Variants in RAI1 observed in about 807,000 individuals in gnomAD.
The protein encoded by RAI1 is retinoic acid induced 1.
In RAI1, 9 loss-of-function variants were observed where a neutral mutation model predicts 123.8. The ratio of observed to expected loss-of-function variants is 0.07; its 90% CI spans 0.04 to 0.13. The LOEUF is 0.13. Ranked by LOEUF, RAI1 falls within the 10% of genes least tolerant of loss-of-function variation. The probability of loss-of-function intolerance (pLI) is 1.00; values close to 1 mark genes in which losing one functional copy is unlikely to be tolerated. For synonymous variants in RAI1, 1,231 were observed against 1,127.3 expected (o/e 1.09, Z -1.84); for missense variants, 2,256 against 2,545.8 (o/e 0.89, Z 2.45).
intron 2 of RAI1, among the ~76,000 whole-genome samples, chr17:17,748,713 C>T (rs149285066): frequency 4.5e-4 from 68 of 152,198 alleles, no homozygotes; most frequent in African/African-American, 1.5e-3. Flanking sequence ...TGTACGCACG[C>T]GTATGTCGGT....
Position 17,776,399 on chromosome 17 carries a change from C to T in RAI1, c.-16-16534C>T, listed in dbSNP as rs527288100. Among the ~76,000 whole-genome samples, 3 of 152,114 alleles carry T rather than the reference C, an allele frequency of 2.0e-5. No individual in the cohort carries two copies. The South Asian group carries it at 6.2e-4, about 32-fold the overall frequency. On this transcript the variant is annotated intron_variant, in intron 2 of 5. Transcript: ENST00000353383. ...CACACTTTTTTTTTTGAGACAAAGT[C>T]TCACTCTGTTGCCCAGGCTGGAGTC...
At chr17:17,684,842 C>T (rs990166156) in intron 1 of RAI1, 4 of 151,912 alleles carry the variant, frequency 2.6e-5, no homozygotes, top group East Asian at 1.9e-4. Flanking sequence ...GGTTGTGTGG[C>T]GAAGTCCTTC....
At position 17,810,651 on chromosome 17, in the gene RAI1, G is replaced by T; in HGVS notation, c.*670G>T. The T allele has an allele frequency of 2.8e-6, 1 of 351,362 alleles. No individual in the cohort carries two copies. Among genetic ancestry groups the T allele is most frequent in the South Asian group, 2.0e-5 (1 of 49,270 alleles). The allele number at this position is 351,362 out of a possible 1,614,324, so 21.8% of individuals were successfully genotyped here. A position where few individuals can be genotyped will look rare whatever the true frequency, so the allele number is the denominator to read the frequency against. On this transcript the variant is annotated 3_prime_UTR_variant, in exon 6 of 6. Coordinates refer to ENST00000353383, the MANE Select transcript of RAI1 (RefSeq NM_030665.4). The surrounding 1 kb of genome is among the most constrained non-coding windows in gnomAD (Gnocchi z 4.6). The stretch of plus-strand genomic sequence containing the variant: ...TCGGGCAAAGCCGGGGTAGACCTGG[G>T]CTATGCTCAGTTAGGGGTTGCGGGA...
In RAI1 at chr17:17,801,490, A is replaced by G. The variant is rs1370741096; in HGVS notation, c.5566-2266A>G. On this transcript the variant is annotated intron_variant, in intron 3 of 5. Transcript: ENST00000353383. The surrounding 1 kb of genome is among the most constrained non-coding windows in gnomAD (Gnocchi z 4.1). ...TAAGTGGAGAGAAGCCTTCAGCCAG[A>G]GGACCCCCATATGCTTAAACATCCA... 6.6e-6 allele frequency among the ~76,000 whole-genome samples: 1 copy of G among 152,172 alleles called. No homozygotes were observed. Among genetic ancestry groups the G allele is most frequent in the Non-Finnish European group, 1.5e-5 (1 of 68,032 alleles).
chr17:17,794,985 C>T lies in RAI1; in HGVS notation c.2037C>T (p.Ala679=). The change falls in exon 3 of 6, where the codon GCC becomes GCT. Residue 679 remains alanine, a synonymous_variant. Transcript: ENST00000353383. The stretch of plus-strand genomic sequence containing the variant: ...TGCAGCTGGACAAGGGCGGCAATGC[C>T]AAGGACTTCAGCCCAGGGCTGTTTG... ...DSLQLDKGGN[A]KDFSPGLFED... 6.2e-7 allele frequency: 1 copy of T among 1,614,024 alleles called. No homozygotes were observed. The highest frequency in any genetic ancestry group is 8.5e-7 in the Non-Finnish European group (1 of 1,180,044).
chr17:17,692,228 G>A (rs1914864027), intron 1 of RAI1, among the ~76,000 whole-genome samples: 1 of 152,190 alleles, frequency 6.6e-6, no homozygotes, highest in South Asian at 2.1e-4. Context: ...ACAGCCCTTG[G>A]CCTCTGCCTG....
At chr17:17,745,993 G>A (rs1299875032) in intron 2 of RAI1, among the ~76,000 whole-genome samples, 10 of 152,234 alleles carry the variant, frequency 6.6e-5, no homozygotes, top group Admixed American at 6.5e-4. Flanking sequence ...GTTCCCACAT[G>A]AGCGTTGTGG....
chr17:17,750,975 G>A (rs949576437), intron 2 of RAI1, among the ~76,000 whole-genome samples: 2 of 152,232 alleles, frequency 1.3e-5, no homozygotes, highest in Admixed American at 1.3e-4. Flanking sequence ...TATTTGGAGG[G>A]CATCTGTTTC....
intron 1 of RAI1, among the ~76,000 whole-genome samples, chr17:17,722,229 A>G (rs1185898575): frequency 6.6e-6 from 1 of 152,146 alleles, no homozygotes; most frequent in Non-Finnish European, 1.5e-5. Context: ...GGACACGTGG[A>G]TGGATAGAAA....
chr17:17,692,733 T>G (rs184520317), intron 1 of RAI1, among the ~76,000 whole-genome samples: 211 of 152,332 alleles, frequency 1.4e-3, no homozygotes, highest in African/African-American at 4.9e-3. Flanking sequence ...CATGGTTTTC[T>G]CCCTCAGAAC....
intron 2 of RAI1, 114 bp downstream of exon 2, chr17:17,724,273 C>G (rs1915996366): frequency 6.6e-6 from 1 of 151,278 alleles, no homozygotes; most frequent in Non-Finnish European, 1.5e-5. Flanking sequence ...GGGCTGCAGG[C>G]TGGGGTCGCC....
At chr17:17,682,815 G>A (rs1914485565) in intron 1 of RAI1, among the ~76,000 whole-genome samples, 1 of 152,050 alleles carries the variant, frequency 6.6e-6, no homozygotes, top group Non-Finnish European at 1.5e-5. Flanking sequence ...AGTGCGGGCT[G>A]CCGCGGTGCT....
Position 17,798,085 on chromosome 17 carries a change from C to T in RAI1, c.5137C>T (p.Pro1713Ser). 4 of 1,614,030 alleles carry T rather than the reference C, an allele frequency of 2.5e-6. No homozygotes were observed. Among genetic ancestry groups the T allele is most frequent in the Non-Finnish European group, 3.4e-6 (4 of 1,180,030 alleles). ...CGPYYPEHCL[P>S]KKKPKLKEKV... Reference sequence around the variant, plus strand: ...GCCCTACTACCCTGAACACTGCCTCCCCAAAAAGAAGCCAAAACTCAAGGA... The same window carrying T: ...GCCCTACTACCCTGAACACTGCCTCTCCAAAAAGAAGCCAAAACTCAAGGA... Residue 1713 changes from proline to serine, a missense_variant, in exon 3 of 6, where the codon CCC (proline) becomes TCC (serine). Physicochemically the swap from Pro to Ser is moderately conservative, Grantham distance 74. Around this residue, in one of 7 missense-constraint regions of RAI1, gnomAD observed 243 missense variants for 316.6 expected, o/e 0.77. Coordinates refer to ENST00000353383, the MANE Select transcript of RAI1 (RefSeq NM_030665.4).
chr17:17,708,941 G>T (rs1469168920), intron 1 of RAI1, among the ~76,000 whole-genome samples: 1 of 152,212 alleles, frequency 6.6e-6, no homozygotes, highest in African/African-American at 2.4e-5. Context: ...CCTGCTCCAG[G>T]CACAAAGGGA....
At chr17:17,771,032 G>T (rs1354631226) in intron 2 of RAI1, among the ~76,000 whole-genome samples, 1 of 152,106 alleles carries the variant, frequency 6.6e-6, no homozygotes, top group Non-Finnish European at 1.5e-5. Context: ...AGGAAAGGGG[G>T]CTTCAGGGGG....
In RAI1 at chr17:17,810,770, CA is replaced by C; in HGVS notation, c.*793del. Reference sequence around the variant, plus strand: ...ACCCCTGGAGCCCAGCCTGGGAGCGCAAAACCCAAGAAGCGGCCAGAACGCA... The same window carrying C: ...ACCCCTGGAGCCCAGCCTGGGAGCGCAAACCCAAGAAGCGGCCAGAACGCA... On this transcript the variant is annotated 3_prime_UTR_variant, in exon 6 of 6. Coordinates refer to ENST00000353383, the MANE Select transcript of RAI1 (RefSeq NM_030665.4). The surrounding 1 kb of genome is among the most constrained non-coding windows in gnomAD (Gnocchi z 4.6). The C allele has an allele frequency of 2.2e-6, 1 of 453,540 alleles. No homozygotes were observed. 28.1% of individuals were successfully genotyped at this position (453,540 alleles called of 1,614,324 possible). A position where few individuals can be genotyped will look rare whatever the true frequency, so the allele number is the denominator to read the frequency against.
intron 1 of RAI1, among the ~76,000 whole-genome samples, chr17:17,716,794 T>C (rs1467415782): frequency 2.0e-5 from 3 of 152,160 alleles, no homozygotes; most frequent in Non-Finnish European, 4.4e-5. Context: ...TGGACTCTGT[T>C]GTGGTCACCA....
chr17:17,716,883 G>GC (rs879719665), intron 1 of RAI1, among the ~76,000 whole-genome samples: 12 of 152,220 alleles, frequency 7.9e-5, no homozygotes, highest in Non-Finnish European at 1.8e-4. Context: ...CATGGAGCAG[G>GC]CCCATCCCGA....
chr17:17,720,038 C>G (rs952989132), intron 1 of RAI1, among the ~76,000 whole-genome samples: 1 of 152,150 alleles, frequency 6.6e-6, no homozygotes. Flanking sequence ...TGGGCCTCCC[C>G]GTCCCTTGTT....
Sources: allele counts gnomAD v4.1 joint callset (sites outside exome capture counted in the v4.1 genomes callset), GRCh38; gene constraint gnomAD v4.1.1; regional missense constraint gnomAD v4.1.1; non-coding constraint Gnocchi (gnomAD v3.1); transcripts MANE v1.5; gene names NCBI Gene and HGNC (gene_info 2026-07-23, HGNC 2026-07-21).